The following MB21D2 variants were observed in gnomAD, a reference collection of about 807,000 sequenced individuals.
The protein encoded by MB21D2 is Mab-21 domain containing 2, also known as nucleotidyltransferase MB21D2.
Under a neutral mutation model 33.3 loss-of-function variants are expected in MB21D2, and 9 were observed. The ratio of observed to expected loss-of-function variants is 0.27; its 90% CI spans 0.16 to 0.47. MB21D2 has a LOEUF of 0.47. Among genes scored for constraint, MB21D2 ranks in the 20% least tolerant of loss-of-function variants. The probability of loss-of-function intolerance (pLI) is 0.99; values close to 1 mark genes in which losing one functional copy is unlikely to be tolerated. For missense variants in MB21D2, 540 were observed against 624.6 expected (o/e 0.86, Z 1.44); for synonymous variants, 241 against 236.3 (o/e 1.02, Z -0.18).
In MB21D2 at chr3:192,892,010, G is replaced by A. The variant is rs189959545; in HGVS notation, c.211+25620C>T. Among the ~76,000 whole-genome samples the A allele has an allele frequency of 2.6e-4, 39 of 152,166 alleles. 1 individual carries two copies. In the East Asian group the frequency reaches 6.4e-3, roughly 25 times the overall value. On this transcript the variant is annotated intron_variant, in intron 1 of 1. Coordinates refer to ENST00000392452, the MANE Select transcript of MB21D2 (RefSeq NM_178496.4). ...AAAACAAACTCATTTACTTCATAGG[G>A]TAAAATCATCTTGTACATTCTCTTG...
intron 1 of MB21D2, among the ~76,000 whole-genome samples, chr3:192,895,365 T>G (rs1372888002): frequency 2.0e-5 from 3 of 152,214 alleles, no homozygotes; most frequent in Non-Finnish European, 4.4e-5. Context: ...ATTATATCTC[T>G]TCTGTTCTAA....
intron 1 of MB21D2, among the ~76,000 whole-genome samples, chr3:192,879,734 A>C (rs750970077): frequency 2.0e-5 from 3 of 152,268 alleles, no homozygotes; most frequent in African/African-American, 4.8e-5. Flanking sequence ...CTCCCAAAGC[A>C]GATAAATCTT....
At chr3:192,836,567 C>T (rs996196529) in intron 1 of MB21D2, among the ~76,000 whole-genome samples, 3 of 152,146 alleles carry the variant, frequency 2.0e-5, no homozygotes, top group Non-Finnish European at 2.9e-5. Flanking sequence ...ACACAGAAGG[C>T]GGCCATGTGA....
chr3:192,852,220 G>A (rs1169908896), intron 1 of MB21D2, among the ~76,000 whole-genome samples: 1 of 152,156 alleles, frequency 6.6e-6, no homozygotes, highest in Non-Finnish European at 1.5e-5. Flanking sequence ...ACACCACTCA[G>A]CATGCACAGC....
chr3:192,867,031 G>A (rs1353879473), intron 1 of MB21D2, among the ~76,000 whole-genome samples: 3 of 152,194 alleles, frequency 2.0e-5, no homozygotes, highest in Non-Finnish European at 4.4e-5. Flanking sequence ...ACCAGATGGT[G>A]TGAAGCCGCA....
At chr3:192,910,293 C>G (rs527449925) in intron 1 of MB21D2, among the ~76,000 whole-genome samples, 1 of 129,572 alleles carries the variant, frequency 7.7e-6, no homozygotes, top group Non-Finnish European at 1.6e-5. Context: ...AGACCACCAT[C>G]TCTACAAAAA....
At chr3:192,821,544 C>A (rs1712055432) in intron 1 of MB21D2, among the ~76,000 whole-genome samples, 1 of 152,204 alleles carries the variant, frequency 6.6e-6, no homozygotes, top group African/African-American at 2.4e-5. Context: ...AGTTCTCAGT[C>A]CAGAATTTTC....
In MB21D2 at chr3:192,798,942, A is replaced by G. The variant is rs751786725; in HGVS notation, c.920T>C (p.Met307Thr). 1.2e-6 allele frequency: 2 copies of G among 1,614,054 alleles called. No homozygotes were observed. Among genetic ancestry groups the G allele is most frequent in the South Asian group, 2.2e-5 (2 of 91,080 alleles). ...QLKKCISSSL[M>T]QAYQACKAII... is the part of the protein sequence containing the mutation. ...GGCTTTGCAGGCCTGATAGGCCTGC[A>G]TGAGGCTGCTGGAGATGCACTTCTT... is the stretch of plus-strand genomic sequence containing the variant. Residue 307 changes from methionine to threonine, a missense_variant, in exon 2 of 2, where the codon ATG becomes ACG. Physicochemically the swap from Met to Thr is moderately conservative, Grantham distance 81. Transcript: ENST00000392452. The surrounding 1 kb of genome is among the most constrained non-coding windows in gnomAD (Gnocchi z 4.8).
rs551645122 is a variant in MB21D2, at chr3:192,902,133, C to A, written c.211+15497G>T. Among the ~76,000 whole-genome samples the A allele has an allele frequency of 9.2e-5, 14 of 152,296 alleles. No homozygotes were observed. In the South Asian group the frequency reaches 2.3e-3, roughly 25 times the overall value. On this transcript the variant is annotated intron_variant, in intron 1 of 1. Coordinates refer to ENST00000392452, the MANE Select transcript of MB21D2 (RefSeq NM_178496.4). ...CCTGGGAGCTGCCAAGGAAGGCCAA[C>A]TGATAGAGTGAAAAGGGCTCTGGAC... is the stretch of plus-strand genomic sequence containing the variant.
chr3:192,889,806 T>C (rs1472007130), intron 1 of MB21D2, among the ~76,000 whole-genome samples: 2 of 152,120 alleles, frequency 1.3e-5, no homozygotes, highest in Non-Finnish European at 2.9e-5. Context: ...ATAACTCTTA[T>C]CACTGCTGGG....
chr3:192,820,358 C>A lies in MB21D2; in HGVS notation c.212-20708G>T, dbSNP rs532911893. Reference sequence around the variant, plus strand: ...TAGACCTTTAACTCCCCCGAGATAACAACTTCGGATAATACAAAATGTAAT... The same window carrying A: ...TAGACCTTTAACTCCCCCGAGATAAAAACTTCGGATAATACAAAATGTAAT... On this transcript the variant is annotated intron_variant, in intron 1 of 1. Transcript: ENST00000392452. 6.6e-5 allele frequency among the ~76,000 whole-genome samples: 10 copies of A among 152,170 alleles called. No individual in the cohort carries two copies. In the South Asian group the frequency reaches 2.1e-3, roughly 32 times the overall value.
intron 1 of MB21D2, among the ~76,000 whole-genome samples, chr3:192,832,263 A>G (rs1315347743): frequency 6.6e-6 from 1 of 152,178 alleles, no homozygotes; most frequent in Non-Finnish European, 1.5e-5. Flanking sequence ...ACACTTACTG[A>G]TATTTTTTCT....
chr3:192,812,278 C>T (rs1024098212), intron 1 of MB21D2, among the ~76,000 whole-genome samples: 3 of 152,114 alleles, frequency 2.0e-5, no homozygotes, highest in Non-Finnish European at 4.4e-5. Context: ...AAACTCCTGA[C>T]CTCCCAACTG....
At position 192,797,949 on chromosome 3, in the gene MB21D2, A is replaced by C. The variant is rs1720557611; in HGVS notation, c.*437T>G. ...GTTCATATGATTCTCAAATATCAGT[A>C]GTGGTGAAAGCTCATAAGAAAAAAG... is the stretch of plus-strand genomic sequence containing the variant. On this transcript the variant is annotated 3_prime_UTR_variant, in exon 2 of 2. Coordinates refer to ENST00000392452, the MANE Select transcript of MB21D2 (RefSeq NM_178496.4). 1 of 155,404 alleles carries C rather than the reference A, an allele frequency of 6.4e-6. No homozygotes were observed. The highest frequency in any genetic ancestry group is 2.0e-4 in the South Asian group (1 of 5,068). The allele number at this position is 155,404 out of a possible 1,614,324, so 9.6% of individuals were successfully genotyped here. A position where few individuals can be genotyped will look rare whatever the true frequency, so the allele number is the denominator to read the frequency against.
chr3:192,862,672 G>T (rs1433648127), intron 1 of MB21D2, among the ~76,000 whole-genome samples: 1 of 152,124 alleles, frequency 6.6e-6, no homozygotes, highest in African/African-American at 2.4e-5. Context: ...CTGAATTAAG[G>T]TGGGCCCTGA....
chr3:192,913,925 T>A (rs1245289632), intron 1 of MB21D2, among the ~76,000 whole-genome samples: 2 of 152,206 alleles, frequency 1.3e-5, no homozygotes, highest in Admixed American at 1.3e-4. Flanking sequence ...ATAATTACTA[T>A]GATTTTCTCA....
At chr3:192,895,584 T>A (rs1189560750) in intron 1 of MB21D2, among the ~76,000 whole-genome samples, 1 of 152,240 alleles carries the variant, frequency 6.6e-6, no homozygotes, top group East Asian at 1.9e-4. Context: ...GCCAATTATA[T>A]ACCTTTTAAA....
chr3:192,835,224 G>A (rs1272689585), intron 1 of MB21D2, among the ~76,000 whole-genome samples: 9 of 149,294 alleles, frequency 6.0e-5, no homozygotes, highest in African/African-American at 2.2e-4. Context: ...GGAGGCTGAG[G>A]CGGGCAGCTC....
At chr3:192,853,217 C>T (rs952036196) in intron 1 of MB21D2, among the ~76,000 whole-genome samples, 5 of 152,144 alleles carry the variant, frequency 3.3e-5, no homozygotes, top group South Asian at 2.1e-4. Flanking sequence ...ACCACATCAC[C>T]CCTCGAAGGT....
Sources: allele counts gnomAD v4.1 joint callset (sites outside exome capture counted in the v4.1 genomes callset), GRCh38; gene constraint gnomAD v4.1.1; non-coding constraint Gnocchi (gnomAD v3.1); transcripts MANE v1.5; gene names NCBI Gene and HGNC (gene_info 2026-07-23, HGNC 2026-07-21).